THOP1: variants seen among roughly 807,000 people sequenced by gnomAD.
THOP1 encodes the protein thimet oligopeptidase 1, also known as thimet oligopeptidase.
A neutral mutation model predicts 71.8 loss-of-function variants in THOP1; 49 were observed. That is an observed-to-expected ratio of 0.68 (90% CI 0.54 to 0.87). The LOEUF (loss-of-function observed/expected upper bound fraction) is 0.87. Among genes scored for constraint, THOP1 ranks in the 40% least tolerant of loss-of-function variants. THOP1 has a pLI of 0.00. For synonymous variants in THOP1, 426 were observed against 421.5 expected (o/e 1.01, Z -0.13); for missense variants, 843 against 975.6 (o/e 0.86, Z 1.81).
chr19:2,805,209 G>A lies in THOP1; in HGVS notation c.750+33G>A. 1 of 1,596,100 alleles carries A rather than the reference G, an allele frequency of 6.3e-7. No individual in the cohort carries two copies. Among genetic ancestry groups the A allele is most frequent in the Non-Finnish European group, 8.5e-7 (1 of 1,171,646 alleles). ...GGCACGGCCAGGGGGCCCCAGAACA[G>A]TGGGTCTGGAGCTTGTGGGGCCCGT... On this transcript the variant is annotated intron_variant, in intron 6 of 12. Coordinates refer to ENST00000307741, the MANE Select transcript of THOP1 (RefSeq NM_003249.5). This position sits in a 1 kb window ranked among gnomAD's most constrained non-coding sequence, Gnocchi z 6.6.
At chr19:2,803,997 CCGAT>C (rs1916224269) in intron 5 of THOP1, among the ~76,000 whole-genome samples, 1 of 151,572 alleles carries the variant, frequency 6.6e-6, no homozygotes, top group Non-Finnish European at 1.5e-5. Flanking sequence ...GCGTGAGCTC[CCGAT>C]CGTTCTTTCT....
intron 4 of THOP1, among the ~76,000 whole-genome samples, chr19:2,797,628 C>G (rs531107395): frequency 6.6e-6 from 1 of 152,238 alleles, no homozygotes; most frequent in African/African-American, 2.4e-5. Flanking sequence ...TTCCTGAGCA[C>G]GCTTAAGACA....
chr19:2,791,046 G>A (rs1244838266), intron 2 of THOP1, among the ~76,000 whole-genome samples: 3 of 152,228 alleles, frequency 2.0e-5, no homozygotes, highest in Non-Finnish European at 4.4e-5. Flanking sequence ...GGCCCGGGAA[G>A]GCGGGTATTT....
At chr19:2,794,697 G>A (rs373967908) in intron 2 of THOP1, 67 bp from the exon 3 acceptor site, 45 of 1,553,456 alleles carry the variant, frequency 2.9e-5, no homozygotes, top group South Asian at 2.1e-4. Context: ...AGAGGGGTCC[G>A]GGCAACACCT....
intron 4 of THOP1, among the ~76,000 whole-genome samples, chr19:2,797,596 C>T (rs890374978): frequency 6.6e-6 from 1 of 152,262 alleles, no homozygotes; most frequent in African/African-American, 2.4e-5. Flanking sequence ...GGCGATCTCA[C>T]CAGAATGTGG....
At chr19:2,807,127 C>T in intron 7 of THOP1, 75 bp downstream of exon 7, 1 of 1,488,492 alleles carries the variant, frequency 6.7e-7, no homozygotes, top group Non-Finnish European at 9.0e-7. Context: ...ACAGTCGGTG[C>T]TACCCCTAGA....
chr19:2,807,467 C>T lies in THOP1; in HGVS notation c.912C>T (p.Pro304=). The change falls in exon 8 of 13, where the codon CCC becomes CCT. Residue 304 remains proline (P), a synonymous_variant. Transcript: ENST00000307741. The stretch of plus-strand genomic sequence containing the variant: ...ATGAGCTGGCGCAGAAGCTGAAGCC[C>T]CTGGGGGAGCAGGAGCGTGCGGTGA... ...FLDELAQKLK[P]LGEQERAVIL... 6.2e-7 allele frequency: 1 copy of T among 1,601,940 alleles called. No individual in the cohort carries two copies. The highest frequency in any genetic ancestry group is 8.5e-7 in the Non-Finnish European group (1 of 1,173,300).
intron 9 of THOP1, 177 bp from the exon 10 acceptor site, chr19:2,810,127 A>C: frequency 1.3e-6 from 1 of 766,584 alleles, no homozygotes; most frequent in Non-Finnish European, 2.0e-6. Context: ...GGCAGCCAGC[A>C]GCAGCCCAGG....
chr19:2,794,011 T>G (rs1915949960), intron 2 of THOP1, among the ~76,000 whole-genome samples: 1 of 140,570 alleles, frequency 7.1e-6, no homozygotes, highest in Admixed American at 6.9e-5. Flanking sequence ...AGCTTTTTTT[T>G]TTTTCTTTTT....
chr19:2,795,668 C>T (rs542147032), intron 3 of THOP1, among the ~76,000 whole-genome samples: 1 of 152,366 alleles, frequency 6.6e-6, no homozygotes, highest in East Asian at 1.9e-4. Flanking sequence ...CTCCCACCTC[C>T]ACTTTCCAGA....
At chr19:2,812,071 G>C in intron 12 of THOP1, 1 of 1,244,894 alleles carries the variant, frequency 8.0e-7, no homozygotes, top group Non-Finnish European at 1.1e-6. Flanking sequence ...TGAGTGCTGG[G>C]AGCTCCGTGT....
chr19:2,809,217 C>T (rs540686356), intron 9 of THOP1, among the ~76,000 whole-genome samples: 4 of 152,318 alleles, frequency 2.6e-5, no homozygotes, highest in Non-Finnish European at 5.9e-5. Context: ...TGCTGTACAG[C>T]GCTGACGGGT....
At chr19:2,799,643 C>T (rs760339952) in intron 4 of THOP1, 46 bp from the exon 5 acceptor site, 1 of 1,514,928 alleles carries the variant, frequency 6.6e-7, no homozygotes, top group Admixed American at 1.7e-5. Context: ...CCCCGCGGAG[C>T]CCGCCCCGGT....
chr19:2,811,468 C>T, intron 11 of THOP1, 130 bp from the exon 12 acceptor site: 1 of 1,286,244 alleles, frequency 7.8e-7, no homozygotes. Context: ...CTGGTCTCGG[C>T]CCTCACCGTG....
At chr19:2,806,677 C>G in intron 6 of THOP1, 1 of 591,820 alleles carries the variant, frequency 1.7e-6, no homozygotes, top group Non-Finnish European at 2.8e-6. Context: ...GTCCCCATAC[C>G]ACGTTCCGTG....
chr19:2,797,205 C>T (rs894282508), intron 4 of THOP1, among the ~76,000 whole-genome samples: 1 of 152,178 alleles, frequency 6.6e-6, no homozygotes, highest in African/African-American at 2.4e-5. Context: ...GGCTGCCCCT[C>T]ATCGGGTGCC....
intron 12 of THOP1, chr19:2,812,489 T>C (rs1599534985): frequency 1.6e-6 from 2 of 1,221,102 alleles, no homozygotes; most frequent in South Asian, 1.9e-5. Context: ...AGCAGGGACC[T>C]CCCCCCTCCT....
At chr19:2,786,580 G>A (rs556499530) in intron 1 of THOP1, among the ~76,000 whole-genome samples, 1 of 151,930 alleles carries the variant, frequency 6.6e-6, no homozygotes, top group Non-Finnish European at 1.5e-5. Flanking sequence ...TGTGACCTGT[G>A]TACTGTTTAT....
chr19:2,802,803 C>T (rs1314570274), intron 5 of THOP1, among the ~76,000 whole-genome samples: 3 of 152,230 alleles, frequency 2.0e-5, no homozygotes, highest in Non-Finnish European at 1.5e-5. Context: ...CCCTCCTTGC[C>T]TGTCTTCTTA....
Sources: gnomAD v4.1 joint callset for allele counts (sites outside exome capture counted in the v4.1 genomes callset) on GRCh38, gnomAD v4.1.1 for gene constraint, Gnocchi (gnomAD v3.1) non-coding constraint, MANE v1.5 for transcripts, NCBI Gene and HGNC (gene_info 2026-07-23, HGNC 2026-07-21) for gene names.